The following ATRNL1 variants were observed in gnomAD, a reference collection of about 807,000 sequenced individuals.
ATRNL1 encodes attractin-like protein 1.
Under a neutral mutation model 182.7 loss-of-function variants are expected in ATRNL1, and 95 were observed. That is an observed-to-expected ratio of 0.52 (90% CI 0.44 to 0.62). ATRNL1 has a LOEUF of 0.62. ATRNL1 is among the 20% of genes least tolerant of loss of function. The pLI is 0.00. For synonymous variants in ATRNL1, 576 were observed against 568.3 expected (o/e 1.01, Z -0.19); for missense variants, 1,471 against 1,679.5 (o/e 0.88, Z 2.17).
Position 115,738,125 on chromosome 10 carries a change from G to GTTTTTTTTTTTTTTTTTTTT in ATRNL1, c.3903+10770_3903+10771insTTTTTTTTTTTTTTTTTTTT, listed in dbSNP as rs1565334914. 1.7e-4 allele frequency among the ~76,000 whole-genome samples: 9 copies of GTTTTTTTTTTTTTTTTTTTT among 53,192 alleles called. 3 individuals are homozygous for GTTTTTTTTTTTTTTTTTTTT. Among genetic ancestry groups the GTTTTTTTTTTTTTTTTTTTT allele is most frequent in the Non-Finnish European group, 1.9e-4 (5 of 26,280 alleles). The allele number at this position is 53,192 out of a possible 152,430, so 34.9% of individuals were successfully genotyped here. A position where few individuals can be genotyped will look rare whatever the true frequency, so the allele number is the denominator to read the frequency against. On this transcript the variant is annotated intron_variant, in intron 27 of 28. Coordinates refer to ENST00000355044, the MANE Select transcript of ATRNL1 (RefSeq NM_207303.4). ...CATAAAAAATGATTTAGAAGATAAT[G>GTTTTTTTTTTTTTTTTTTTT]ATTTTTTTTTTTTTTTTTTTTTTTT...
intron 26 of ATRNL1, among the ~76,000 whole-genome samples, chr10:115,570,773 G>A (rs577565944): frequency 6.6e-6 from 1 of 152,220 alleles, no homozygotes; most frequent in South Asian, 2.1e-4. Context: ...CTAATGAGAT[G>A]CTCCTTTTTG....
intron 19 of ATRNL1, among the ~76,000 whole-genome samples, chr10:115,366,413 T>C (rs1350301716): frequency 6.6e-6 from 1 of 152,162 alleles, no homozygotes; most frequent in African/African-American, 2.4e-5. Context: ...TATGTGTGTC[T>C]CTACACGTGA....
At chr10:115,659,393 C>A (rs1318405465) in intron 26 of ATRNL1, among the ~76,000 whole-genome samples, 1 of 152,058 alleles carries the variant, frequency 6.6e-6, no homozygotes, top group Non-Finnish European at 1.5e-5. Context: ...TGACATTGTG[C>A]ATATAGCTCC....
intron 19 of ATRNL1, among the ~76,000 whole-genome samples, chr10:115,376,378 T>G (rs1857672063): frequency 6.6e-6 from 1 of 152,054 alleles, no homozygotes; most frequent in Admixed American, 6.6e-5. Context: ...TAACTTCAAA[T>G]TCTAGGTCAA....
chr10:115,530,601 T>G (rs2133743849), intron 25 of ATRNL1, among the ~76,000 whole-genome samples: 1 of 152,180 alleles, frequency 6.6e-6, no homozygotes, highest in South Asian at 2.1e-4. Context: ...TTAAGTATAG[T>G]GTTCATGATT....
intron 20 of ATRNL1, among the ~76,000 whole-genome samples, chr10:115,407,178 T>A (rs146488773): frequency 7.9e-5 from 12 of 152,298 alleles, no homozygotes; most frequent in African/African-American, 2.9e-4. Context: ...GTACATGCAG[T>A]GCATAATGAT....
chr10:115,101,149 A>C (rs1564734912), intron 1 of ATRNL1, among the ~76,000 whole-genome samples: 1 of 151,980 alleles, frequency 6.6e-6, no homozygotes, highest in Non-Finnish European at 1.5e-5. Context: ...TTAGATGATT[A>C]TATTGTTTAC....
chr10:115,191,117 G>C (rs1460733559), intron 8 of ATRNL1, among the ~76,000 whole-genome samples: 1 of 152,078 alleles, frequency 6.6e-6, no homozygotes, highest in Non-Finnish European at 1.5e-5. Flanking sequence ...TCATTCATCT[G>C]TTGATGGACA....
At chr10:115,275,812 A>T (rs557583635) in intron 13 of ATRNL1, among the ~76,000 whole-genome samples, 24 of 152,084 alleles carry the variant, frequency 1.6e-4, no homozygotes, top group Non-Finnish European at 3.2e-4. Context: ...CCACTCTAAC[A>T]TTCCAATCTC....
intron 22 of ATRNL1, among the ~76,000 whole-genome samples, chr10:115,462,786 T>C (rs1243315737): frequency 6.6e-6 from 1 of 152,124 alleles, no homozygotes; most frequent in Non-Finnish European, 1.5e-5. Flanking sequence ...ACTGATATAT[T>C]GTATAAGCTT....
intron 26 of ATRNL1, among the ~76,000 whole-genome samples, chr10:115,721,485 T>C (rs111547074): frequency 0.05 from 7,596 of 152,206 alleles, 608 homozygotes; most frequent in African/African-American, 0.17. Flanking sequence ...CAATTCCATA[T>C]GGCTGGGGAG....
chr10:115,552,238 G>A (rs1448585266), intron 26 of ATRNL1, among the ~76,000 whole-genome samples: 1 of 151,296 alleles, frequency 6.6e-6, no homozygotes, highest in African/African-American at 2.4e-5. Context: ...CTTTATGTGA[G>A]TGGAGGTAAA....
chr10:115,140,712 A>C (rs1845723178), intron 5 of ATRNL1, among the ~76,000 whole-genome samples: 1 of 152,126 alleles, frequency 6.6e-6, no homozygotes, highest in Non-Finnish European at 1.5e-5. Flanking sequence ...ATTCCTTTTT[A>C]ATTCAATTCA....
chr10:115,389,210 C>T (rs887593146), intron 19 of ATRNL1, among the ~76,000 whole-genome samples: 3 of 151,760 alleles, frequency 2.0e-5, no homozygotes, highest in Non-Finnish European at 2.9e-5. Context: ...TTCATCTTGT[C>T]TTTTTAAAAG....
chr10:115,683,552 T>TTTTTTG (rs1470719384), intron 26 of ATRNL1, among the ~76,000 whole-genome samples: 2 of 145,594 alleles, frequency 1.4e-5, no homozygotes, highest in African/African-American at 2.6e-5. Context: ...ACTAGCGTTT[T>TTTTTTG]TTTTTTTTTT....
At chr10:115,251,508 T>C (rs1342822176) in intron 10 of ATRNL1, among the ~76,000 whole-genome samples, 4 of 152,148 alleles carry the variant, frequency 2.6e-5, no homozygotes, top group African/African-American at 9.7e-5. Context: ...ATCATTGGGC[T>C]AAGTTCTGTT....
intron 26 of ATRNL1, among the ~76,000 whole-genome samples, chr10:115,559,443 T>TGTGTGTGTGTGTGCGCGCGC (rs200694810): frequency 1.3e-5 from 1 of 77,788 alleles, no homozygotes; most frequent in East Asian, 2.2e-4. Flanking sequence ...TGTGTGTGTG[T>TGTGTGTGTGTGTGCGCGCGC]GCGCGCGCGC....
At chr10:115,301,628 T>C (rs1853473518) in intron 16 of ATRNL1, among the ~76,000 whole-genome samples, 1 of 152,224 alleles carries the variant, frequency 6.6e-6, no homozygotes, top group Non-Finnish European at 1.5e-5. Flanking sequence ...CAACTTTATA[T>C]ACTTTGTAAA....
chr10:115,251,961 C>A (rs1850896796), intron 10 of ATRNL1, among the ~76,000 whole-genome samples: 2 of 152,134 alleles, frequency 1.3e-5, no homozygotes, highest in African/African-American at 4.8e-5. Flanking sequence ...CCCCTCTGAA[C>A]CTAGTACCAC....
Sources: allele counts gnomAD v4.1 joint callset (sites outside exome capture counted in the v4.1 genomes callset), GRCh38; gene constraint gnomAD v4.1.1; transcripts MANE v1.5; gene names NCBI Gene and HGNC (gene_info 2026-07-23, HGNC 2026-07-21).